LYPD6B: variants seen among roughly 807,000 people sequenced by gnomAD.
The protein encoded by LYPD6B is LY6/PLAUR domain containing 6B.
Under a neutral mutation model 22.8 loss-of-function variants are expected in LYPD6B, and 17 were observed. The observed-to-expected ratio is 0.75, with a 90% confidence interval of 0.51 to 1.12. The LOEUF is 1.12. Ranked by LOEUF, LYPD6B falls within the 50% of genes most tolerant of loss-of-function variation. The pLI is 0.00. For synonymous variants in LYPD6B, 106 were observed against 91.6 expected (o/e 1.16, Z -0.90); for missense variants, 221 against 258.3 (o/e 0.86, Z 0.99).
rs573126507 is a variant in LYPD6B, at chr2:149,140,105, G to A, written c.5+9152G>A. Among the ~76,000 whole-genome samples, 36 of 152,150 alleles carry A rather than the reference G, an allele frequency of 2.4e-4. 1 individual carries two copies. The South Asian group carries it at 6.6e-3, about 28-fold the overall frequency. On this transcript the variant is annotated intron_variant, in intron 2 of 6. Coordinates refer to ENST00000409642, the MANE Select transcript of LYPD6B (RefSeq NM_177964.5). ...CCAGGCTGTGTATAAATTCACAAAC[G>A]TATATAACCTGCTCCCAGAGGACCA...
At chr2:149,189,134 G>C (rs1692314132) in intron 3 of LYPD6B, among the ~76,000 whole-genome samples, 1 of 151,806 alleles carries the variant, frequency 6.6e-6, no homozygotes, top group African/African-American at 2.4e-5. Context: ...CTTCATGCCA[G>C]GGGCTAAAGA....
chr2:149,210,810 C>T (rs1251568786), intron 5 of LYPD6B, among the ~76,000 whole-genome samples: 2 of 152,176 alleles, frequency 1.3e-5, no homozygotes, highest in Non-Finnish European at 2.9e-5. Context: ...TTCTCCAGAA[C>T]TTTTAGCGGC....
At chr2:149,144,446 C>A (rs1688888047) in intron 2 of LYPD6B, among the ~76,000 whole-genome samples, 1 of 152,132 alleles carries the variant, frequency 6.6e-6, no homozygotes, top group African/African-American at 2.4e-5. Flanking sequence ...GGCTGGAATG[C>A]AGTGGCGTGA....
At chr2:149,088,397 T>C (rs781680092) in intron 1 of LYPD6B, among the ~76,000 whole-genome samples, 31 of 152,196 alleles carry the variant, frequency 2.0e-4, no homozygotes, top group Non-Finnish European at 4.0e-4. Flanking sequence ...CTTCATATCA[T>C]ACATGTTCTT....
At chr2:149,072,140 C>T (rs1243148261) in intron 1 of LYPD6B, among the ~76,000 whole-genome samples, 1 of 152,160 alleles carries the variant, frequency 6.6e-6, no homozygotes, top group East Asian at 1.9e-4. Flanking sequence ...CCATGTTGGC[C>T]GGGCTGGTCT....
At chr2:149,162,561 A>G (rs1690147344) in intron 3 of LYPD6B, among the ~76,000 whole-genome samples, 1 of 152,130 alleles carries the variant, frequency 6.6e-6, no homozygotes, top group South Asian at 2.1e-4. Context: ...CACTCTAGCT[A>G]TCTCTTCTGC....
At chr2:149,069,422 G>A (rs1684494897) in intron 1 of LYPD6B, among the ~76,000 whole-genome samples, 1 of 152,110 alleles carries the variant, frequency 6.6e-6, no homozygotes, top group Non-Finnish European at 1.5e-5. Flanking sequence ...GTTTCGTAAT[G>A]GAAAACTGTT....
chr2:149,141,591 T>C (rs78412048), intron 2 of LYPD6B, among the ~76,000 whole-genome samples: 2,685 of 152,302 alleles, frequency 0.018, 82 homozygotes, highest in African/African-American at 0.061. Context: ...ATGAAATCTT[T>C]CTTACTTTTT....
chr2:149,052,795 AT>A lies in LYPD6B; in HGVS notation c.-67+13995del, dbSNP rs536619835. ...TAGTTTACCTTGACTCTTTAAAAAA[AT>A]AAAATAACAATGTTCTTTTATTCTA... On this transcript the variant is annotated intron_variant, in intron 1 of 6. Transcript: ENST00000409642. Among the ~76,000 whole-genome samples the A allele has an allele frequency of 3.3e-5, 5 of 152,376 alleles. No homozygotes were observed. In the East Asian group the frequency reaches 9.6e-4, roughly 29 times the overall value.
chr2:149,089,700 T>C (rs1685558019), intron 1 of LYPD6B, among the ~76,000 whole-genome samples: 3 of 152,244 alleles, frequency 2.0e-5, no homozygotes, highest in African/African-American at 7.2e-5. Context: ...CTTTTGTCTA[T>C]TAACAATTCC....
chr2:149,166,179 ATGT>A (rs1032994497), intron 3 of LYPD6B, among the ~76,000 whole-genome samples: 286 of 152,258 alleles, frequency 1.9e-3, no homozygotes, highest in African/African-American at 6.4e-3. Context: ...AAAGAAAAAA[ATGT>A]TGTGTTTATT....
intron 2 of LYPD6B, among the ~76,000 whole-genome samples, chr2:149,144,418 G>A (rs1688885706): frequency 6.6e-6 from 1 of 152,086 alleles, no homozygotes; most frequent in South Asian, 2.1e-4. Context: ...TCGAGACAGA[G>A]TCTCCCCCTG....
chr2:149,158,647 C>T (rs1242242292), intron 2 of LYPD6B, among the ~76,000 whole-genome samples: 1 of 152,140 alleles, frequency 6.6e-6, no homozygotes, highest in Non-Finnish European at 1.5e-5. Flanking sequence ...CTGAATTAGA[C>T]ACTTTAAAAA....
intron 2 of LYPD6B, among the ~76,000 whole-genome samples, chr2:149,148,787 T>A (rs946089927): frequency 1.3e-5 from 2 of 152,196 alleles, no homozygotes; most frequent in Non-Finnish European, 2.9e-5. Context: ...TGAGGAAGGC[T>A]GGATGCAATG....
chr2:149,059,058 AT>A, intron 1 of LYPD6B, among the ~76,000 whole-genome samples: 1 of 152,288 alleles, frequency 6.6e-6, no homozygotes, highest in South Asian at 2.1e-4. Flanking sequence ...CTCTGTAGGT[AT>A]TGCCAGGCCA....
At chr2:149,193,713 G>A (rs1483304753) in intron 3 of LYPD6B, among the ~76,000 whole-genome samples, 2 of 152,024 alleles carry the variant, frequency 1.3e-5, no homozygotes, top group Non-Finnish European at 2.9e-5. Context: ...TAATTTAAGT[G>A]AGAAGCCTTT....
At chr2:149,141,996 C>G (rs1237784922) in intron 2 of LYPD6B, 1 of 152,194 alleles carries the variant, frequency 6.6e-6, no homozygotes, top group African/African-American at 2.4e-5. Flanking sequence ...ATTCTCACAC[C>G]TGTACGGTTA....
chr2:149,080,879 A>T lies in LYPD6B; in HGVS notation c.-67+42078A>T, dbSNP rs1056931433. ...AAAAAAAAAAAAAACCACACAAAAA[A>T]ATTCAGTATATTAGGCAATGCCAAC... On this transcript the variant is annotated intron_variant, in intron 1 of 6. Coordinates refer to ENST00000409642, the MANE Select transcript of LYPD6B (RefSeq NM_177964.5). Among the ~76,000 whole-genome samples, 30 of 150,948 alleles carry T rather than the reference A, an allele frequency of 2.0e-4. 1 individual carries two copies. Among genetic ancestry groups the T allele is most frequent in the African/African-American group, 7.1e-4 (29 of 40,788 alleles).
chr2:149,212,749 C>T (rs1192424918), intron 5 of LYPD6B, among the ~76,000 whole-genome samples: 6 of 152,262 alleles, frequency 3.9e-5, no homozygotes, highest in African/African-American at 1.2e-4. Flanking sequence ...TAACTGAAAC[C>T]ACAGGATGAG....
Sources: gnomAD v4.1 joint callset for allele counts (sites outside exome capture counted in the v4.1 genomes callset) on GRCh38, gnomAD v4.1.1 for gene constraint, MANE v1.5 for transcripts, NCBI Gene and HGNC (gene_info 2026-07-23, HGNC 2026-07-21) for gene names.